The following ADCY3 variants were observed in gnomAD, a reference collection of about 807,000 sequenced individuals.
ADCY3 encodes the protein adenylate cyclase 3.
ADCY3 carries 70 observed loss-of-function variants against 119.4 expected under a neutral mutation model. The observed-to-expected ratio is 0.59, with a 90% CI of 0.48 to 0.72. The LOEUF is 0.72. ADCY3 is among the 30% of genes least tolerant of loss of function. The probability of loss-of-function intolerance (pLI) is 0.00; values close to 1 mark genes in which losing one functional copy is unlikely to be tolerated. For missense variants in ADCY3, 1,238 were observed against 1,541.6 expected (o/e 0.80, Z 3.30); for synonymous variants, 672 against 621.4 (o/e 1.08, Z -1.21).
chr2:24,864,661 GA>G (rs1340257450), intron 3 of ADCY3, among the ~76,000 whole-genome samples: 2 of 152,052 alleles, frequency 1.3e-5, no homozygotes, highest in African/African-American at 4.8e-5. Context: ...GGACCTAGTA[GA>G]GGCAAATTCA....
chr2:24,864,943 T>TA (rs1487566061), intron 3 of ADCY3, among the ~76,000 whole-genome samples: 1 of 152,246 alleles, frequency 6.6e-6, no homozygotes. Context: ...TCTAGGTTTT[T>TA]ATTCTTCCAC....
rs1675113222 is a variant in ADCY3 at position 24,872,270 on chromosome 2, G to A, written c.825+300C>T. On this transcript the variant is annotated intron_variant, in intron 3 of 21. Coordinates refer to ENST00000679454, the MANE Select transcript of ADCY3 (RefSeq NM_004036.5). This position sits in a 1 kb window ranked among gnomAD's most constrained non-coding sequence, Gnocchi z 4.4. ...AGTCATAGCTGGCTGCTTGGGCAAT[G>A]CATTTCTTGAAAGGGAAAAGTTTTA... Among the ~76,000 whole-genome samples the A allele has an allele frequency of 6.6e-6, 1 of 152,196 alleles. No homozygotes were observed. The highest frequency in any genetic ancestry group is 6.5e-5 in the Admixed American group (1 of 15,278).
In ADCY3 at chr2:24,827,954, C is replaced by T; in HGVS notation, c.2380G>A (p.Ala794Thr). ...TATTCATCAAAGACGGGACGCCAGG[C>T]ATAGAGGTTGATGGTGGCCACGGCG... ...AGAVATINLY[A>T]WRPVFDEYDH... Residue 794 changes from alanine to threonine, a missense_variant, in exon 14 of 22, where the codon GCC (alanine) becomes ACC (threonine). Ala to Thr is a moderately conservative substitution (Grantham distance 58). Around this residue, in one of 7 missense-constraint regions of ADCY3, gnomAD observed 499 missense variants for 571.0 expected, o/e 0.87. Transcript: ENST00000679454. 6.2e-7 allele frequency: 1 copy of T among 1,614,218 alleles called. No homozygotes were observed. Among genetic ancestry groups the T allele is most frequent in the Non-Finnish European group, 8.5e-7 (1 of 1,180,040 alleles).
chr2:24,858,015 T>TTTTTTTTTTTTTTTTTA (rs1208863865), intron 3 of ADCY3, among the ~76,000 whole-genome samples: 2 of 124,718 alleles, frequency 1.6e-5, no homozygotes, highest in African/African-American at 6.2e-5. Context: ...TTTTTTTTTT[T>TTTTTTTTTTTTTTTTTA]AAAGAGACAG....
intron 3 of ADCY3, among the ~76,000 whole-genome samples, chr2:24,846,578 ATT>A (rs111318790): frequency 1.3e-4 from 18 of 139,212 alleles, no homozygotes; most frequent in Admixed American, 2.9e-4. Flanking sequence ...TTTGCTTTTG[ATT>A]TTTTTTTTTT....
At position 24,834,106 on chromosome 2, in the gene ADCY3, G is replaced by A. The variant is rs1218776493; in HGVS notation, c.1967+379C>T. On this transcript the variant is annotated intron_variant, in intron 11 of 21. Transcript: ENST00000679454. The surrounding 1 kb of genome is among the most constrained non-coding windows in gnomAD (Gnocchi z 4.2). ...GCCTAAAATCTATCTTTACCAAGAT[G>A]AGCCAAGAGAGGGGCCAGGTCAGCC... Among the ~76,000 whole-genome samples the A allele has an allele frequency of 1.3e-5, 2 of 152,220 alleles. No homozygotes were observed. The highest frequency in any genetic ancestry group is 4.8e-5 in the African/African-American group (2 of 41,456).
chr2:24,872,689 C>A lies in ADCY3; in HGVS notation c.706G>T (p.Ala236Ser). ...TAGGACATGATGCCCACAGCGATGGCGCACAGGTAGAGGAAGACGTTGGCC... is the reference window on the plus strand; with the variant it reads ...TAGGACATGATGCCCACAGCGATGGAGCACAGGTAGAGGAAGACGTTGGCC... ...ILANVFLYLC[A>S]IAVGIMSYYM... The change falls in exon 3 of 22, where the codon GCC becomes TCC. Residue 236 changes from alanine to serine, a missense_variant. Transcript: ENST00000679454. This position sits in a 1 kb window ranked among gnomAD's most constrained non-coding sequence, Gnocchi z 4.4. 1 of 1,614,090 alleles carries A rather than the reference C, an allele frequency of 6.2e-7. No individual in the cohort carries two copies. The highest frequency in any genetic ancestry group is 8.5e-7 in the Non-Finnish European group (1 of 1,179,996).
At chr2:24,867,112 C>T (rs79773882) in intron 3 of ADCY3, among the ~76,000 whole-genome samples, 4,094 of 152,178 alleles carry the variant, frequency 0.027, 185 homozygotes, top group African/African-American at 0.092. Flanking sequence ...AACTCCCAGG[C>T]GCAGCATCGT....
rs1197459111 is a variant in ADCY3, at chr2:24,918,816, C to A, written c.172G>T (p.Val58Leu). The change falls in exon 2 of 22, where the codon GTG becomes TTG. Residue 58 changes from valine (V) to leucine (L), a missense_variant. Val to Leu is a conservative substitution (Grantham distance 32, BLOSUM62 1). Around this residue, in one of 7 missense-constraint regions of ADCY3, gnomAD observed 227 missense variants for 249.3 expected, o/e 0.91. Coordinates refer to ENST00000679454, the MANE Select transcript of ADCY3 (RefSeq NM_004036.5). This position sits in a 1 kb window ranked among gnomAD's most constrained non-coding sequence, Gnocchi z 5.4. ...CLPRFMRLTF[V>L]PESLENLYQT... Reference sequence around the variant, plus strand: ...TAGAGGTTCTCCAAGGACTCCGGCACGAAAGTCAGCCGCATGAAGCGAGGC... The same window carrying A: ...TAGAGGTTCTCCAAGGACTCCGGCAAGAAAGTCAGCCGCATGAAGCGAGGC... 6 of 1,613,632 alleles carry A rather than the reference C, an allele frequency of 3.7e-6. No homozygotes were observed. In the African/African-American group the frequency reaches 8.0e-5, roughly 22 times the overall value.
In ADCY3 at chr2:24,899,924, A is replaced by G. The variant is rs376135668; in HGVS notation, c.675+18389T>C. On this transcript the variant is annotated intron_variant, in intron 2 of 21. Transcript: ENST00000679454. The surrounding 1 kb of genome is among the most constrained non-coding windows in gnomAD (Gnocchi z 4.5). ...GTCTAGGTTGAATTATTTTCTTACA[A>G]TAGTGCTTCATAATATAGAAGAAAA... 9.2e-5 allele frequency among the ~76,000 whole-genome samples: 14 copies of G among 152,134 alleles called. No homozygotes were observed. The highest frequency in any genetic ancestry group is 3.4e-4 in the African/African-American group (14 of 41,432).
At chr2:24,826,412 G>C (rs1307028901) in intron 15 of ADCY3, 3 of 337,922 alleles carry the variant, frequency 8.9e-6, no homozygotes, top group Non-Finnish European at 1.6e-5. Flanking sequence ...TTGCCTGACT[G>C]ATCACAGAGG....
intron 3 of ADCY3, among the ~76,000 whole-genome samples, chr2:24,854,687 G>C (rs963565335): frequency 6.6e-6 from 1 of 152,126 alleles, no homozygotes; most frequent in Non-Finnish European, 1.5e-5. Context: ...GAATGGGAGA[G>C]ACACAATGTA....
chr2:24,872,597 C>T lies in ADCY3; in HGVS notation c.798G>A (p.Met266Ile), dbSNP rs1675156093. The T allele has an allele frequency of 1.2e-6, 2 of 1,614,198 alleles. No homozygotes were observed. The highest frequency in any genetic ancestry group is 3.3e-4 in the Middle Eastern group (2 of 6,062). Residue 266 changes from methionine to isoleucine, a missense_variant, in exon 3 of 22, where the codon ATG becomes ATA. Physicochemically the swap from Met to Ile is conservative, Grantham distance 10 (BLOSUM62 1). Around this residue, in one of 7 missense-constraint regions of ADCY3, gnomAD observed 283 missense variants for 437.2 expected, o/e 0.65. Coordinates refer to ENST00000679454, the MANE Select transcript of ADCY3 (RefSeq NM_004036.5). The surrounding 1 kb of genome is among the most constrained non-coding windows in gnomAD (Gnocchi z 4.4). ...GCTGCTGGCTCTGCTCTTCCAGGTT[C>T]ATCTTCACCTCCAGCGACTGGCGGG... ...LEARQSLEVK[M>I]NLEEQSQQQE...
chr2:24,829,711 T>G (rs7573439), intron 13 of ADCY3, among the ~76,000 whole-genome samples: 1 of 146,758 alleles, frequency 6.8e-6, no homozygotes, highest in South Asian at 2.2e-4. Context: ...CGTGAGCCAC[T>G]GCGCCCGGCA....
intron 3 of ADCY3, among the ~76,000 whole-genome samples, chr2:24,852,385 T>C (rs1260828745): frequency 1.3e-5 from 2 of 152,174 alleles, no homozygotes; most frequent in Admixed American, 1.3e-4. Context: ...GAGTCCTCCC[T>C]GGGACCCACA....
intron 6 of ADCY3, chr2:24,840,550 C>T (rs562610799): frequency 5.6e-5 from 26 of 468,398 alleles, no homozygotes; most frequent in African/African-American, 1.8e-4. Flanking sequence ...AATGCAAAGC[C>T]GCCCCCTCGG....
intron 14 of ADCY3, 73 bp downstream of exon 14, chr2:24,827,829 A>G (rs1344939959): frequency 5.6e-6 from 9 of 1,593,854 alleles, no homozygotes; most frequent in Non-Finnish European, 6.8e-6. Flanking sequence ...GCACAGGCCC[A>G]TGAGCTTGAA....
chr2:24,838,824 T>C (rs756136226), intron 7 of ADCY3: 12 of 1,609,472 alleles, frequency 7.5e-6, no homozygotes, highest in Non-Finnish European at 9.3e-6. Flanking sequence ...GCTAACTAGC[T>C]GTGTGGGCCG....
In ADCY3 at chr2:24,834,543, T is replaced by C; in HGVS notation, c.1909A>G (p.Ser637Gly). 2 of 1,613,804 alleles carry C rather than the reference T, an allele frequency of 1.2e-6. No homozygotes were observed. Among genetic ancestry groups the C allele is most frequent in the Non-Finnish European group, 1.7e-6 (2 of 1,179,970 alleles). ...CAGAGCAGGACGACGCAGGAGCAGC[T>C]GAAGGCAGCCCCACTCTGCTTCTCC... ...EKEKQSGAAF[S>G]CSCVVLLCTA... Residue 637 changes from serine (S) to glycine (G), a missense_variant, in exon 11 of 22, where the codon AGC (serine) becomes GGC (glycine). Ser to Gly is a moderately conservative substitution (Grantham distance 56). Transcript: ENST00000679454. The surrounding 1 kb of genome is among the most constrained non-coding windows in gnomAD (Gnocchi z 4.2).
Sources: gnomAD v4.1 joint callset for allele counts (sites outside exome capture counted in the v4.1 genomes callset) on GRCh38, gnomAD v4.1.1 for gene constraint, gnomAD v4.1.1 regional missense constraint, Gnocchi (gnomAD v3.1) non-coding constraint, MANE v1.5 for transcripts, NCBI Gene and HGNC (gene_info 2026-07-23, HGNC 2026-07-21) for gene names.